The following RNF17 variants were observed in gnomAD, a reference collection of about 807,000 sequenced individuals.
RNF17 encodes the protein spermatogenesis associated 23.
RNF17 carries 31 observed loss-of-function variants against 200.5 expected under a neutral mutation model. That is an observed-to-expected ratio of 0.15 (90% CI 0.12 to 0.21). The LOEUF is 0.21. Ranked by LOEUF, RNF17 falls within the 10% of genes least tolerant of loss-of-function variation. The pLI, the probability that RNF17 is intolerant of heterozygous loss-of-function variation, is 1.00. For synonymous variants in RNF17, 606 were observed against 637.8 expected, an observed-to-expected ratio of 0.95 and a Z score of 0.75; for missense variants, 1,628 against 1,905.1, an observed-to-expected ratio of 0.85 and a Z score of 2.71.
In RNF17 at chr13:24,800,377, C is replaced by A; in HGVS notation, c.1601C>A (p.Thr534Asn). 2 of 1,588,370 alleles carry A rather than the reference C, an allele frequency of 1.3e-6. No individual in the cohort carries two copies. Among genetic ancestry groups the A allele is most frequent in the Non-Finnish European group, 1.7e-6 (2 of 1,163,852 alleles). ...TGAATTTCTCCTAGAGTTGTTGATA[C>A]CCATGTGAGACCAGAACACTCTGCT... ...EVLIVTGVVD[T>N]HVRPEHSAKQ... Residue 534 changes from threonine (T) to asparagine (N), a missense_variant, in exon 13 of 36, where the codon ACC (threonine) becomes AAC (asparagine). Transcript: ENST00000255324.
chr13:24,856,475 A>T (rs927852585), intron 25 of RNF17, among the ~76,000 whole-genome samples: 2 of 151,758 alleles, frequency 1.3e-5, no homozygotes, highest in African/African-American at 2.4e-5. Flanking sequence ...CTATTTCATT[A>T]TATGATCTTG....
At chr13:24,805,338 T>A (rs1052186438) in intron 15 of RNF17, among the ~76,000 whole-genome samples, 1 of 152,090 alleles carries the variant, frequency 6.6e-6, no homozygotes, top group African/African-American at 2.4e-5. Context: ...GCCCTGTACC[T>A]ATTAAACAAT....
intron 33 of RNF17, 91 bp from the exon 34 acceptor site, chr13:24,876,906 T>G: frequency 9.7e-7 from 1 of 1,030,146 alleles, no homozygotes; most frequent in Non-Finnish European, 1.4e-6. Context: ...CAAAATCCAA[T>G]GTTATGAAGC....
At chr13:24,748,881 C>T in the RNF17 span, among the ~76,000 whole-genome samples, 2 of 152,022 alleles carry the variant, frequency 1.3e-5, no homozygotes, top group Non-Finnish European at 2.9e-5. Context: ...TCCTGAGTAG[C>T]TGGGATTACA....
chr13:24,882,418 C>T (rs1028125286), downstream of RNF17: 2 of 151,926 alleles, frequency 1.3e-5, no homozygotes, highest in Non-Finnish European at 2.9e-5. Flanking sequence ...TATAAATTTA[C>T]AAGTAAGTAA....
intron 15 of RNF17, among the ~76,000 whole-genome samples, chr13:24,820,140 G>A (rs1221549145): frequency 1.2e-5 from 1 of 80,442 alleles, no homozygotes; most frequent in African/African-American, 4.9e-5. Context: ...TTTTTTTTTT[G>A]AGACAAGAGT....
downstream of RNF17, chr13:24,882,775 C>CA (rs1953897408): frequency 5.3e-6 from 1 of 190,332 alleles, no homozygotes. Context: ...GCTACAGAGA[C>CA]ACGTGTTTAC....
At chr13:24,887,971 G>T in the RNF17 span, among the ~76,000 whole-genome samples, 1 of 152,152 alleles carries the variant, frequency 6.6e-6, no homozygotes. Flanking sequence ...AAAAGCCACG[G>T]GCTCCACAGA....
the RNF17 span, chr13:24,885,232 GTTTATTT>G: frequency 7.7e-7 from 1 of 1,299,042 alleles, no homozygotes. Context: ...TTTAACCCAT[GTTTATTT>G]TTTATAGAAT....
downstream of RNF17, chr13:24,884,365 G>T (rs1335692817): frequency 6.2e-7 from 1 of 1,614,124 alleles, no homozygotes; most frequent in Non-Finnish European, 8.5e-7. Flanking sequence ...CACCATTAAA[G>T]AAAGTGACAG....
intron 15 of RNF17, among the ~76,000 whole-genome samples, chr13:24,822,376 A>T (rs71431707): frequency 0.23 from 33,945 of 150,590 alleles, 4,330 homozygotes; most frequent in East Asian, 0.39. Flanking sequence ...CTTGCCGAGG[A>T]CTCCTTCCTG....
chr13:24,807,335 G>A (rs1423236557), intron 15 of RNF17, among the ~76,000 whole-genome samples: 5 of 150,936 alleles, frequency 3.3e-5, no homozygotes, highest in Non-Finnish European at 5.9e-5. Flanking sequence ...TTTAATGATT[G>A]CCATTCTAAC....
chr13:24,834,191 G>C (rs1286339128), intron 18 of RNF17, among the ~76,000 whole-genome samples: 1 of 151,236 alleles, frequency 6.6e-6, no homozygotes. Context: ...TGGATCACCT[G>C]AGGTCAGGAG....
At chr13:24,880,898 G>A (rs993794754), downstream of RNF17, among the ~76,000 whole-genome samples, 18 of 152,242 alleles carry the variant, frequency 1.2e-4, no homozygotes, top group Admixed American at 6.5e-4. Context: ...AGTAAGAAAA[G>A]GTATCTCATC....
rs1331167499 is a variant in RNF17, at chr13:24,827,713, AAAAAC to A, written c.2245+1946_2245+1950del. 9.3e-3 allele frequency among the ~76,000 whole-genome samples: 948 copies of A among 101,428 alleles called. 167 individuals carry two copies. The highest frequency in any genetic ancestry group is 0.024 in the African/African-American group (522 of 22,024). The allele number at this position is 101,428 out of a possible 152,430, so 66.5% of individuals were successfully genotyped here. Reference sequence around the variant, plus strand: ...CGAGACTCCGTCTCAAAAAAAAAAAAAAAACAAAAAAAAAAAAACAATAGAAATTT... The same window carrying A: ...CGAGACTCCGTCTCAAAAAAAAAAAAAAAAAAAAAAAAACAATAGAAATTT... On this transcript the variant is annotated intron_variant, in intron 16 of 35. Transcript: ENST00000255324.
chr13:24,853,321 T>C (rs1333838674), intron 24 of RNF17, among the ~76,000 whole-genome samples: 2 of 152,204 alleles, frequency 1.3e-5, no homozygotes, highest in African/African-American at 4.8e-5. Flanking sequence ...TATTTTTTTA[T>C]ACAGTAGGGA....
intron 32 of RNF17, among the ~76,000 whole-genome samples, chr13:24,871,737 G>T (rs1043308766): frequency 1.3e-5 from 2 of 149,440 alleles, no homozygotes; most frequent in Non-Finnish European, 3.0e-5. Context: ...GGTTCAAGCA[G>T]TTCTCTTGCC....
At chr13:24,755,779 T>C in the RNF17 span, among the ~76,000 whole-genome samples, 1 of 152,188 alleles carries the variant, frequency 6.6e-6, no homozygotes, top group African/African-American at 2.4e-5. Context: ...AAGGTGTTCC[T>C]ACAGGTCATA....
chr13:24,839,976 C>G (rs1422037608), intron 18 of RNF17, among the ~76,000 whole-genome samples: 1 of 152,066 alleles, frequency 6.6e-6, no homozygotes, highest in Non-Finnish European at 1.5e-5. Context: ...TCTTCACAAT[C>G]TGTACATCTG....
Sources: gnomAD v4.1 joint callset for allele counts (sites outside exome capture counted in the v4.1 genomes callset) on GRCh38, gnomAD v4.1.1 for gene constraint, MANE v1.5 for transcripts, NCBI Gene and HGNC (gene_info 2026-07-23, HGNC 2026-07-21) for gene names.